CMIP: variants seen among roughly 807,000 people sequenced by gnomAD.
CMIP encodes c-Maf inducing protein, also known as C-Maf-inducing protein.
In CMIP, 13 loss-of-function variants were observed where a neutral mutation model predicts 97.3. That is an observed-to-expected ratio of 0.13 (90% CI 0.09 to 0.21). The LOEUF (loss-of-function observed/expected upper bound fraction) is 0.21, where lower values mean the gene tolerates loss of function less well. Among genes scored for constraint, CMIP ranks in the 10% least tolerant of loss-of-function variants. The pLI, the probability that CMIP is intolerant of heterozygous loss-of-function variation, is 1.00. For missense variants in CMIP, 847 were observed against 1,024.9 expected (o/e 0.83, Z 2.37); for synonymous variants, 538 against 436.3 (o/e 1.23, Z -2.91).
intron 3 of CMIP, among the ~76,000 whole-genome samples, chr16:81,638,779 G>A (rs753786284): frequency 2.0e-5 from 3 of 152,058 alleles, no homozygotes; most frequent in African/African-American, 4.8e-5. Flanking sequence ...CCTCCTGTCC[G>A]CACAGCCTCT....
intron 1 of CMIP, among the ~76,000 whole-genome samples, chr16:81,593,545 G>T (rs567764126): frequency 6.6e-6 from 1 of 152,204 alleles, no homozygotes; most frequent in Non-Finnish European, 1.5e-5. Context: ...TTTCCTCTCC[G>T]CTCTTTTCGG....
chr16:81,615,566 CGTGTGTGTATAGTGTGTGTGTCTGT>C (rs1199913527), intron 2 of CMIP, among the ~76,000 whole-genome samples: 1 of 86,678 alleles, frequency 1.2e-5, no homozygotes, highest in African/African-American at 4.8e-5. Flanking sequence ...CTGTATGGTG[CGTGTGTGTATAGTGTGTGTGTCTGT>C]GTGTGTGGTG....
chr16:81,577,606 C>G (rs2091217640), intron 1 of CMIP, among the ~76,000 whole-genome samples: 2 of 149,480 alleles, frequency 1.3e-5, no homozygotes, highest in South Asian at 4.2e-4. Context: ...CCCATTACCA[C>G]TACATTATTA....
chr16:81,621,976 T>TC lies in CMIP; in HGVS notation c.477+1051dup, dbSNP rs2091998600. On this transcript the variant is annotated intron_variant, in intron 3 of 20. Coordinates refer to ENST00000537098, the MANE Select transcript of CMIP (RefSeq NM_198390.3). This position sits in a 1 kb window ranked among gnomAD's most constrained non-coding sequence, Gnocchi z 4.1. The stretch of plus-strand genomic sequence containing the variant: ...GCCAAGTCTCAGAAGCTGAGCTGAG[T>TC]CTCCACGTTGGGTTGCAAAGGGGAA... 1.3e-5 allele frequency: 2 copies of TC among 152,234 alleles called. No individual in the cohort carries two copies. The highest frequency in any genetic ancestry group is 4.8e-5 in the African/African-American group (2 of 41,460). 9.4% of individuals were successfully genotyped at this position (152,234 alleles called of 1,614,324 possible). A position where few individuals can be genotyped will look rare whatever the true frequency, so the allele number is the denominator to read the frequency against.
rs561595329 is a variant in CMIP at position 81,461,742 on chromosome 16, G to T, written c.300+16201G>T. ...ACCTGGGTTTGCAAAGCAGTGCCTG[G>T]ATCTGGGTTCACATCCCAGCAATGC... is the stretch of plus-strand genomic sequence containing the variant. On this transcript the variant is annotated intron_variant, in intron 1 of 20. Coordinates refer to ENST00000537098, the MANE Select transcript of CMIP (RefSeq NM_198390.3). Among the ~76,000 whole-genome samples, 3 of 152,332 alleles carry T rather than the reference G, an allele frequency of 2.0e-5. No individual in the cohort carries two copies. In the South Asian group the frequency reaches 6.2e-4, roughly 32 times the overall value.
intron 6 of CMIP, among the ~76,000 whole-genome samples, chr16:81,661,459 C>G (rs943186741): frequency 5.9e-5 from 9 of 152,258 alleles, no homozygotes; most frequent in Admixed American, 3.9e-4. Flanking sequence ...CAGGCCGAAC[C>G]ATCACACAAA....
chr16:81,657,320 G>C (rs1056579653), intron 4 of CMIP, among the ~76,000 whole-genome samples: 2 of 152,142 alleles, frequency 1.3e-5, no homozygotes, highest in Admixed American at 1.3e-4. Context: ...AATCATATAC[G>C]TGTTACTCCT....
rs138532934 is a variant in CMIP, at chr16:81,457,055, G to A, written c.300+11514G>A. Among the ~76,000 whole-genome samples the A allele has an allele frequency of 2.4e-3, 369 of 152,278 alleles. 5 individuals are homozygous for A. Among genetic ancestry groups the A allele is most frequent in the African/African-American group, 8.2e-3 (340 of 41,548 alleles). ...GGTGGTGAGGACTGGATCACAGTGA[G>A]CACGAAGTTCAAAGTCTACTGTGGA... On this transcript the variant is annotated intron_variant, in intron 1 of 20. Transcript: ENST00000537098.
chr16:81,642,540 G>T (rs189559439), intron 3 of CMIP, among the ~76,000 whole-genome samples: 6 of 152,354 alleles, frequency 3.9e-5, no homozygotes, highest in Admixed American at 3.9e-4. Flanking sequence ...TGCAGTTGAG[G>T]CACGGGGACA....
chr16:81,625,519 G>A (rs1219872960), intron 3 of CMIP, among the ~76,000 whole-genome samples: 2 of 152,264 alleles, frequency 1.3e-5, no homozygotes, highest in Admixed American at 1.3e-4. Context: ...ACGAGGCCAT[G>A]AAGGCCCAGT....
intron 1 of CMIP, among the ~76,000 whole-genome samples, chr16:81,542,528 G>T (rs1183571422): frequency 6.6e-6 from 1 of 152,082 alleles, no homozygotes. Flanking sequence ...TTCATCTGAG[G>T]GTCGTATTCT....
At chr16:81,469,540 C>T (rs1156659136) in intron 1 of CMIP, among the ~76,000 whole-genome samples, 1 of 152,082 alleles carries the variant, frequency 6.6e-6, no homozygotes, top group East Asian at 1.9e-4. Context: ...GCTACTGTTA[C>T]CAAGATTACA....
rs183832265 is a variant in CMIP at position 81,542,184 on chromosome 16, A to T, written c.301-65383A>T. On this transcript the variant is annotated intron_variant, in intron 1 of 20. Coordinates refer to ENST00000537098, the MANE Select transcript of CMIP (RefSeq NM_198390.3). ...CAGACTTGCTGGGTGTGGCATTCCAAATTTTAAAAGCAGCAGGAGTTGGTT... is the reference window on the plus strand; with the variant it reads ...CAGACTTGCTGGGTGTGGCATTCCATATTTTAAAAGCAGCAGGAGTTGGTT... Among the ~76,000 whole-genome samples, 369 of 152,288 alleles carry T rather than the reference A, an allele frequency of 2.4e-3. 1 individual carries two copies. The highest frequency in any genetic ancestry group is 6.8e-3 in the Middle Eastern group (2 of 294).
intron 14 of CMIP, among the ~76,000 whole-genome samples, 165 bp from the exon 15 acceptor site, chr16:81,699,520 G>A (rs1907146594): frequency 6.6e-6 from 1 of 152,118 alleles, no homozygotes. Flanking sequence ...TGCCAGGGAG[G>A]GGTTTCTTGC....
chr16:81,675,255 G>T (rs1434959731), intron 9 of CMIP, among the ~76,000 whole-genome samples: 1 of 152,162 alleles, frequency 6.6e-6, no homozygotes, highest in East Asian at 1.9e-4. Context: ...CCAAGCTGGA[G>T]TGCGGTGGCG....
intron 10 of CMIP, among the ~76,000 whole-genome samples, chr16:81,679,650 G>A (rs755167557): frequency 5.9e-5 from 9 of 152,068 alleles, no homozygotes; most frequent in Admixed American, 1.3e-4. Flanking sequence ...CGTGGACCCG[G>A]GGCTGCTCTG....
rs754199111 is a variant in CMIP, at chr16:81,699,741, A to G, written c.1695A>G (p.Ala565=). 6.1e-5 allele frequency: 98 copies of G among 1,613,718 alleles called. No individual in the cohort carries two copies. Among genetic ancestry groups the G allele is most frequent in the Non-Finnish European group, 5.9e-5 (70 of 1,179,812 alleles). The change falls in exon 15 of 21, where the codon GCA becomes GCG. Residue 565 remains alanine, a synonymous_variant. Coordinates refer to ENST00000537098, the MANE Select transcript of CMIP (RefSeq NM_198390.3). ...CCAAAAAATTCCTGCTCTCCCTGGC[A>G]GAAAACAAGCTGGGTCCCTGCATGC... ...YKTKKFLLSL[A]ENKLGPCMLL...
chr16:81,584,571 T>C (rs1302192483), intron 1 of CMIP, among the ~76,000 whole-genome samples: 2 of 152,204 alleles, frequency 1.3e-5, no homozygotes, highest in Non-Finnish European at 2.9e-5. Context: ...GCTGAAACCA[T>C]TGGTCTGTTA....
At chr16:81,551,646 C>G (rs978961622) in intron 1 of CMIP, among the ~76,000 whole-genome samples, 2 of 152,200 alleles carry the variant, frequency 1.3e-5, no homozygotes, top group African/African-American at 2.4e-5. Flanking sequence ...TCCACACTGT[C>G]TGGAAGAAGT....
Sources: allele counts gnomAD v4.1 joint callset (sites outside exome capture counted in the v4.1 genomes callset), GRCh38; gene constraint gnomAD v4.1.1; non-coding constraint Gnocchi (gnomAD v3.1); transcripts MANE v1.5; gene names NCBI Gene and HGNC (gene_info 2026-07-23, HGNC 2026-07-21).